Variants in GRID2 observed in about 807,000 individuals in gnomAD.
GRID2 encodes glutamate receptor ionotropic, delta-2.
In GRID2, 33 loss-of-function variants were observed where a neutral mutation model predicts 114.8. The observed-to-expected ratio is 0.29, with a 90% CI of 0.22 to 0.38. The LOEUF (loss-of-function observed/expected upper bound fraction) is 0.38, where lower values mean the gene tolerates loss of function less well. Ranked by LOEUF, GRID2 falls within the 10% of genes least tolerant of loss-of-function variation. The probability of loss-of-function intolerance (pLI) is 1.00; values close to 1 mark genes in which losing one functional copy is unlikely to be tolerated. For synonymous variants in GRID2, 505 were observed against 449.9 expected (o/e 1.12, Z -1.55); for missense variants, 1,184 against 1,257.7 (o/e 0.94, Z 0.89).
At chr4:93,135,499 T>C (rs1163577135) in intron 4 of GRID2, among the ~76,000 whole-genome samples, 4 of 152,168 alleles carry the variant, frequency 2.6e-5, no homozygotes, top group Non-Finnish European at 4.4e-5. Context: ...CTTTCCCAAA[T>C]TGGGATTTTG....
At chr4:92,756,064 G>A (rs192111411) in intron 2 of GRID2, among the ~76,000 whole-genome samples, 3 of 152,058 alleles carry the variant, frequency 2.0e-5, no homozygotes, top group African/African-American at 2.4e-5. Flanking sequence ...CTTATTCCTT[G>A]TTCCTTCCAA....
chr4:93,717,493 G>A (rs373581720), intron 14 of GRID2, among the ~76,000 whole-genome samples: 4 of 152,038 alleles, frequency 2.6e-5, no homozygotes, highest in Admixed American at 2.0e-4. Flanking sequence ...TATTACTGGA[G>A]CATTACTTAA....
At chr4:93,125,719 C>T (rs1160036) in intron 4 of GRID2, among the ~76,000 whole-genome samples, 60,043 of 151,864 alleles carry the variant, frequency 0.4, 12,225 homozygotes, top group Admixed American at 0.55. Context: ...TAGGTGAACA[C>T]TTTAATTTTG....
At chr4:93,425,226 A>G (rs1448815983) in intron 10 of GRID2, among the ~76,000 whole-genome samples, 1 of 152,172 alleles carries the variant, frequency 6.6e-6, no homozygotes, top group Non-Finnish European at 1.5e-5. Flanking sequence ...TGGTTGATAC[A>G]TTGTTAAGAC....
intron 4 of GRID2, among the ~76,000 whole-genome samples, chr4:93,188,403 G>C (rs1182706769): frequency 6.6e-6 from 1 of 152,218 alleles, no homozygotes; most frequent in Non-Finnish European, 1.5e-5. Flanking sequence ...AAGGAGTGCT[G>C]TTCCAGAATG....
At chr4:93,578,089 T>C (rs2149589399) in intron 13 of GRID2, among the ~76,000 whole-genome samples, 1 of 152,294 alleles carries the variant, frequency 6.6e-6, no homozygotes, top group East Asian at 1.9e-4. Flanking sequence ...AGCAAAGTGC[T>C]GCTACACCTA....
intron 2 of GRID2, among the ~76,000 whole-genome samples, chr4:92,693,160 AT>A (rs1276917364): frequency 3.3e-5 from 5 of 151,970 alleles, no homozygotes; most frequent in Non-Finnish European, 7.4e-5. Context: ...TGCTTATATA[AT>A]TTTTAATAGA....
chr4:93,419,467 T>G (rs1177629291), intron 9 of GRID2, among the ~76,000 whole-genome samples: 1 of 152,060 alleles, frequency 6.6e-6, no homozygotes, highest in African/African-American at 2.4e-5. Flanking sequence ...TGTTTACCTG[T>G]CCAATATATT....
At chr4:93,206,591 T>TACACAC (rs5860312) in intron 4 of GRID2, among the ~76,000 whole-genome samples, 22,805 of 142,854 alleles carry the variant, frequency 0.16, 1,833 homozygotes, top group Middle Eastern at 0.24. Flanking sequence ...CTGCCCCTAC[T>TACACAC]ACACACACAC....
At chr4:93,110,609 T>A (rs1037085664) in intron 3 of GRID2, 139 bp from the exon 4 acceptor site, 2 of 663,970 alleles carry the variant, frequency 3.0e-6, no homozygotes, top group Non-Finnish European at 5.4e-6. Flanking sequence ...TACTTGAGAG[T>A]TCCGTCAGCT....
At chr4:93,285,350 G>T (rs1753044643) in intron 8 of GRID2, among the ~76,000 whole-genome samples, 1 of 151,756 alleles carries the variant, frequency 6.6e-6, no homozygotes, top group Admixed American at 6.6e-5. Flanking sequence ...GGTACTTCTT[G>T]TTATTTTATA....
At chr4:93,689,414 G>T (rs1726349866) in intron 14 of GRID2, among the ~76,000 whole-genome samples, 1 of 151,998 alleles carries the variant, frequency 6.6e-6, no homozygotes, top group Admixed American at 6.6e-5. Context: ...AAAGTCCCCA[G>T]CAATCATAAT....
At chr4:93,055,029 A>G (rs186817540) in intron 2 of GRID2, among the ~76,000 whole-genome samples, 29 of 152,058 alleles carry the variant, frequency 1.9e-4, no homozygotes, top group Admixed American at 3.9e-4. Flanking sequence ...TTCTTATCAC[A>G]ATGCCAAGTT....
At chr4:93,004,222 CT>C (rs1222749625) in intron 2 of GRID2, among the ~76,000 whole-genome samples, 12 of 148,320 alleles carry the variant, frequency 8.1e-5, no homozygotes, top group Middle Eastern at 3.5e-3. Context: ...CAAAAAAAGT[CT>C]TTTTTTTTTC....
intron 1 of GRID2, among the ~76,000 whole-genome samples, chr4:92,542,480 A>G (rs538070595): frequency 4.3e-4 from 66 of 152,312 alleles, no homozygotes; most frequent in Admixed American, 4.3e-3. Flanking sequence ...TGGCATTTGC[A>G]GCAACGTGGA....
At chr4:92,428,820 A>AT (rs1409776199) in intron 1 of GRID2, among the ~76,000 whole-genome samples, 1 of 152,068 alleles carries the variant, frequency 6.6e-6, no homozygotes, top group Non-Finnish European at 1.5e-5. Flanking sequence ...AGGTGTGTAC[A>AT]TTTTTTTGAA....
chr4:92,477,842 T>A (rs1032255440), intron 1 of GRID2, among the ~76,000 whole-genome samples: 2 of 147,512 alleles, frequency 1.4e-5, no homozygotes, highest in African/African-American at 4.9e-5. Context: ...TTAATATATA[T>A]AAATATATAT....
chr4:92,709,074 T>C lies in GRID2; in HGVS notation c.244+118788T>C, dbSNP rs573416242. Reference sequence around the variant, plus strand: ...GAAGGAGCCTGAGTCCTGTACATCATGGGCCATTATACCAGCCCTGGAGTG... The same window carrying C: ...GAAGGAGCCTGAGTCCTGTACATCACGGGCCATTATACCAGCCCTGGAGTG... On this transcript the variant is annotated intron_variant, in intron 2 of 15. Transcript: ENST00000282020. 3.9e-5 allele frequency among the ~76,000 whole-genome samples: 6 copies of C among 152,282 alleles called. No individual in the cohort carries two copies. The East Asian group carries it at 9.7e-4, about 25-fold the overall frequency.
At chr4:93,497,257 A>T (rs1170958086) in intron 12 of GRID2, among the ~76,000 whole-genome samples, 1 of 151,748 alleles carries the variant, frequency 6.6e-6, no homozygotes, top group African/African-American at 2.4e-5. Context: ...CATAGTCCAG[A>T]CACAAAGGCT....
Sources: gnomAD v4.1 joint callset for allele counts (sites outside exome capture counted in the v4.1 genomes callset) on GRCh38, gnomAD v4.1.1 for gene constraint, MANE v1.5 for transcripts, NCBI Gene and HGNC (gene_info 2026-07-23, HGNC 2026-07-21) for gene names.